Variants in BTRC observed in about 807,000 individuals in gnomAD.
BTRC encodes beta-transducin repeat containing E3 ubiquitin protein ligase, also known as F-box/WD repeat-containing protein 1A.
In BTRC, 42 loss-of-function variants were observed where a neutral mutation model predicts 85.5. The observed-to-expected ratio is 0.49, with a 90% CI of 0.38 to 0.64. The LOEUF is 0.64. Among genes scored for constraint, BTRC ranks in the 30% least tolerant of loss-of-function variants. BTRC has a pLI of 0.00. For synonymous variants in BTRC, 255 were observed against 263.3 expected, an observed-to-expected ratio of 0.97 and a Z score of 0.30; for missense variants, 594 against 743.5, an observed-to-expected ratio of 0.80 and a Z score of 2.34.
At chr10:101,481,639 A>T (rs1422899989) in intron 4 of BTRC, among the ~76,000 whole-genome samples, 1 of 151,986 alleles carries the variant, frequency 6.6e-6, no homozygotes, top group Non-Finnish European at 1.5e-5. Flanking sequence ...CATCTAGCAC[A>T]ATTATTTAAT....
At position 101,513,141 on chromosome 10, in the gene BTRC, G is replaced by GA. The variant is rs2061978232; in HGVS notation, c.325-8493dup. Among the ~76,000 whole-genome samples, 11 of 152,188 alleles carry GA rather than the reference G, an allele frequency of 7.2e-5. No individual in the cohort carries two copies. The South Asian group carries it at 2.3e-3, about 32-fold the overall frequency. Reference sequence around the variant, plus strand: ...GCTGAATTTACTTTAGATAATTGTAGAAAAATCTGTATTGGAGAATGGTAG... The same window carrying GA: ...GCTGAATTTACTTTAGATAATTGTAGAAAAAATCTGTATTGGAGAATGGTAG... On this transcript the variant is annotated intron_variant, in intron 4 of 14. Coordinates refer to ENST00000370187, the MANE Select transcript of BTRC (RefSeq NM_033637.4).
At chr10:101,398,451 C>T (rs922384585) in intron 1 of BTRC, among the ~76,000 whole-genome samples, 14 of 151,880 alleles carry the variant, frequency 9.2e-5, no homozygotes, top group African/African-American at 3.4e-4. Flanking sequence ...TACAGGTGCC[C>T]GACACTGTGC....
intron 6 of BTRC, 122 bp downstream of exon 6, chr10:101,526,321 C>T (rs2062190723): frequency 2.3e-6 from 2 of 877,226 alleles, no homozygotes; most frequent in Non-Finnish European, 3.4e-6. Context: ...TTGTTGATTT[C>T]TAGCTTAAAA....
At chr10:101,446,991 TG>T (rs1250779609) in intron 2 of BTRC, among the ~76,000 whole-genome samples, 1 of 21,486 alleles carries the variant, frequency 4.7e-5, no homozygotes, top group Non-Finnish European at 8.7e-5. Context: ...ATGAATACTG[TG>T]GGGGGTGGTG....
At chr10:101,456,618 C>T (rs986950007) in intron 2 of BTRC, among the ~76,000 whole-genome samples, 1 of 152,132 alleles carries the variant, frequency 6.6e-6, no homozygotes, top group South Asian at 2.1e-4. Flanking sequence ...GTTGTGGAAA[C>T]ATTTTATCCA....
At chr10:101,379,239 G>A (rs1002971150) in intron 1 of BTRC, among the ~76,000 whole-genome samples, 1 of 152,214 alleles carries the variant, frequency 6.6e-6, no homozygotes, top group Non-Finnish European at 1.5e-5. Context: ...TGATTATATG[G>A]TAGTCTTCTG....
chr10:101,365,636 C>T (rs1942350857), intron 1 of BTRC, among the ~76,000 whole-genome samples: 1 of 151,646 alleles, frequency 6.6e-6, no homozygotes, highest in Admixed American at 6.6e-5. Context: ...TCACCACACT[C>T]AGCTAATTTT....
At chr10:101,533,545 A>G (rs1480873410) in intron 9 of BTRC, among the ~76,000 whole-genome samples, 1 of 152,064 alleles carries the variant, frequency 6.6e-6, no homozygotes, top group Non-Finnish European at 1.5e-5. Flanking sequence ...GGGGCCCTCA[A>G]TTTCCAGAGG....
At chr10:101,543,875 A>G (rs1041556497) in intron 13 of BTRC, among the ~76,000 whole-genome samples, 1 of 152,050 alleles carries the variant, frequency 6.6e-6, no homozygotes, top group Non-Finnish European at 1.5e-5. Context: ...AGCACTTGTT[A>G]TTTTTGCTTT....
chr10:101,458,672 G>A (rs923929594), intron 2 of BTRC, among the ~76,000 whole-genome samples: 4 of 152,118 alleles, frequency 2.6e-5, no homozygotes, highest in Admixed American at 6.5e-5. Flanking sequence ...CATTTCTTAG[G>A]TACAAACTAG....
chr10:101,544,938 C>G (rs773116135), intron 13 of BTRC, among the ~76,000 whole-genome samples: 5 of 151,574 alleles, frequency 3.3e-5, no homozygotes, highest in Non-Finnish European at 7.4e-5. Context: ...CCCAGTGCAA[C>G]AACTTTTGGG....
chr10:101,376,166 A>G (rs978526139), intron 1 of BTRC, among the ~76,000 whole-genome samples: 4 of 152,204 alleles, frequency 2.6e-5, no homozygotes, highest in African/African-American at 7.2e-5. Flanking sequence ...TCTCTACTAA[A>G]AATAAAAAAA....
At chr10:101,407,879 T>C (rs1235345161) in intron 1 of BTRC, among the ~76,000 whole-genome samples, 1 of 151,914 alleles carries the variant, frequency 6.6e-6, no homozygotes, top group African/African-American at 2.4e-5. Flanking sequence ...CGTACCACCA[T>C]GCCCAGCTAA....
intron 1 of BTRC, among the ~76,000 whole-genome samples, chr10:101,356,353 G>A (rs1399492800): frequency 2.0e-5 from 3 of 152,220 alleles, no homozygotes; most frequent in African/African-American, 7.2e-5. Context: ...ATGGAATAAT[G>A]TGATTTACAG....
intron 4 of BTRC, among the ~76,000 whole-genome samples, chr10:101,493,037 CTGAAGT>C (rs760940097): frequency 1.3e-5 from 2 of 152,114 alleles, no homozygotes; most frequent in Admixed American, 6.6e-5. Flanking sequence ...CTTGAAACTT[CTGAAGT>C]TGGAGGTTTC....
chr10:101,534,409 T>A (rs1382505416), intron 9 of BTRC, among the ~76,000 whole-genome samples: 1 of 152,176 alleles, frequency 6.6e-6, no homozygotes, highest in Non-Finnish European at 1.5e-5. Context: ...TGTGAGAAGT[T>A]TTACAGTCTT....
chr10:101,484,487 T>C (rs1449662355), intron 4 of BTRC, among the ~76,000 whole-genome samples: 1 of 152,190 alleles, frequency 6.6e-6, no homozygotes, highest in Non-Finnish European at 1.5e-5. Context: ...CCATTGTCGG[T>C]AATTAAGATC....
intron 1 of BTRC, among the ~76,000 whole-genome samples, chr10:101,388,000 T>C (rs1195187116): frequency 6.6e-6 from 1 of 152,054 alleles, no homozygotes; most frequent in Non-Finnish European, 1.5e-5. Context: ...TTTGGAAATT[T>C]TTATAGATAG....
chr10:101,542,276 GA>G (rs1183276681), intron 13 of BTRC, among the ~76,000 whole-genome samples: 1 of 151,170 alleles, frequency 6.6e-6, no homozygotes, highest in African/African-American at 2.4e-5. Flanking sequence ...TGGTTTCATT[GA>G]TTTTTTTTTT....
Sources: gnomAD v4.1 joint callset for allele counts (sites outside exome capture counted in the v4.1 genomes callset) on GRCh38, gnomAD v4.1.1 for gene constraint, MANE v1.5 for transcripts, NCBI Gene and HGNC (gene_info 2026-07-23, HGNC 2026-07-21) for gene names.